MARCHF1: variants seen among roughly 807,000 people sequenced by gnomAD.
MARCHF1 encodes membrane associated ring-CH-type finger 1, also known as E3 ubiquitin-protein ligase MARCHF1.
A neutral mutation model predicts 54.2 loss-of-function variants in MARCHF1; 40 were observed. The ratio of observed to expected loss-of-function variants is 0.74; its 90% CI spans 0.57 to 0.96. MARCHF1 has a LOEUF of 0.96. MARCHF1 is among the 40% of genes least tolerant of loss of function. The pLI, the probability that MARCHF1 is intolerant of heterozygous loss-of-function variation, is 0.00. For missense variants in MARCHF1, 586 were observed against 656.5 expected (o/e 0.89, Z 1.17); for synonymous variants, 236 against 236.3 (o/e 1.00, Z 0.01).
At chr4:164,018,484 A>G (rs1226601309) in intron 2 of MARCHF1, among the ~76,000 whole-genome samples, 1 of 152,004 alleles carries the variant, frequency 6.6e-6, no homozygotes, top group Non-Finnish European at 1.5e-5. Context: ...TTATCACTCA[A>G]TAATAGGAAG....
chr4:164,178,257 C>G (rs571857865), intron 1 of MARCHF1, among the ~76,000 whole-genome samples: 5 of 152,150 alleles, frequency 3.3e-5, no homozygotes, highest in Non-Finnish European at 5.9e-5. Flanking sequence ...GTCTTTGTAC[C>G]AAGTAACTTT....
chr4:163,826,284 C>T (rs1205904644), intron 4 of MARCHF1, among the ~76,000 whole-genome samples: 1 of 151,756 alleles, frequency 6.6e-6, no homozygotes, highest in Non-Finnish European at 1.5e-5. Flanking sequence ...ACTGTAGATC[C>T]AACAGTTATT....
chr4:164,128,803 C>T (rs552351997), intron 1 of MARCHF1, among the ~76,000 whole-genome samples: 5 of 152,242 alleles, frequency 3.3e-5, no homozygotes, highest in African/African-American at 7.2e-5. Context: ...TCCCTGTGGT[C>T]TTCTCATTCT....
chr4:163,873,062 C>CA (rs1750210214), intron 3 of MARCHF1, among the ~76,000 whole-genome samples: 1 of 133,040 alleles, frequency 7.5e-6, no homozygotes, highest in South Asian at 2.3e-4. Flanking sequence ...AACAAACAAA[C>CA]AAACAAAAAA....
At chr4:163,692,200 T>A (rs779002292) in intron 5 of MARCHF1, among the ~76,000 whole-genome samples, 1 of 152,196 alleles carries the variant, frequency 6.6e-6, no homozygotes, top group African/African-American at 2.4e-5. Flanking sequence ...ATTTGTTGAG[T>A]GTGTCCTACT....
intron 1 of MARCHF1, among the ~76,000 whole-genome samples, chr4:164,346,526 T>C (rs1312954515): frequency 1.3e-5 from 2 of 151,046 alleles, no homozygotes; most frequent in Admixed American, 6.6e-5. Context: ...ATCTTTTGCC[T>C]CTTGGTATCT....
chr4:163,977,128 T>C (rs1440039593), intron 3 of MARCHF1, among the ~76,000 whole-genome samples: 8 of 151,428 alleles, frequency 5.3e-5, no homozygotes, highest in South Asian at 2.1e-4. Context: ...GCTAGAACAA[T>C]AGTGATTATT....
chr4:164,018,130 C>T (rs1485430403), intron 2 of MARCHF1, among the ~76,000 whole-genome samples: 1 of 151,850 alleles, frequency 6.6e-6, no homozygotes, highest in African/African-American at 2.4e-5. Flanking sequence ...TTGAACTTTG[C>T]TTCACACGAT....
intron 4 of MARCHF1, among the ~76,000 whole-genome samples, chr4:163,836,735 C>A (rs1204254802): frequency 1.8e-5 from 2 of 110,930 alleles, no homozygotes; most frequent in East Asian, 5.6e-4. Context: ...TAAGTGTGAC[C>A]CCCAATAAAC....
At chr4:163,826,976 T>C (rs1489316430) in intron 4 of MARCHF1, among the ~76,000 whole-genome samples, 2 of 152,080 alleles carry the variant, frequency 1.3e-5, no homozygotes, top group Non-Finnish European at 2.9e-5. Flanking sequence ...GTTAAGTTTA[T>C]GGTTTCCTTA....
chr4:163,622,347 C>T (rs1274315841), intron 5 of MARCHF1, among the ~76,000 whole-genome samples: 2 of 151,918 alleles, frequency 1.3e-5, no homozygotes, highest in Non-Finnish European at 2.9e-5. Context: ...AACAGAAGTC[C>T]CTGCTCCAGT....
intron 3 of MARCHF1, among the ~76,000 whole-genome samples, chr4:163,932,353 C>G (rs1751695855): frequency 6.6e-6 from 1 of 152,186 alleles, no homozygotes; most frequent in Non-Finnish European, 1.5e-5. Context: ...GCATTTTACC[C>G]ACAGTAGAAT....
intron 3 of MARCHF1, among the ~76,000 whole-genome samples, chr4:163,974,876 G>T (rs1027405142): frequency 3.3e-5 from 5 of 152,144 alleles, no homozygotes; most frequent in Admixed American, 3.3e-4. Flanking sequence ...TGGGTAAACT[G>T]AGTAAAGCAA....
At chr4:164,146,394 G>A (rs1207897418) in intron 1 of MARCHF1, among the ~76,000 whole-genome samples, 1 of 151,852 alleles carries the variant, frequency 6.6e-6, no homozygotes, top group Non-Finnish European at 1.5e-5. Context: ...AACAAAGCTG[G>A]AGGCATCACA....
chr4:163,680,728 C>A (rs1320102283), intron 5 of MARCHF1, among the ~76,000 whole-genome samples: 1 of 152,136 alleles, frequency 6.6e-6, no homozygotes, highest in African/African-American at 2.4e-5. Context: ...ATATTTAGAA[C>A]CACCACTTCT....
At chr4:163,548,623 G>A (rs989783474) in intron 8 of MARCHF1, among the ~76,000 whole-genome samples, 7 of 152,168 alleles carry the variant, frequency 4.6e-5, no homozygotes, top group African/African-American at 7.2e-5. Context: ...ATCCTTACAG[G>A]AACCATTTAG....
intron 1 of MARCHF1, among the ~76,000 whole-genome samples, chr4:164,117,401 C>A (rs1187606937): frequency 1.3e-5 from 2 of 151,994 alleles, no homozygotes; most frequent in Non-Finnish European, 2.9e-5. Context: ...TACCTAGGAA[C>A]ATTTTAAAAG....
intron 7 of MARCHF1, among the ~76,000 whole-genome samples, chr4:163,588,666 A>C (rs1235814002): frequency 6.6e-6 from 1 of 152,170 alleles, no homozygotes; most frequent in Non-Finnish European, 1.5e-5. Flanking sequence ...TTTAATCAAT[A>C]AAGTCTTATG....
Position 163,778,806 on chromosome 4 carries a change from G to A in MARCHF1, c.111+75215C>T, listed in dbSNP as rs145917194. Among the ~76,000 whole-genome samples the A allele has an allele frequency of 3.1e-3, 466 of 152,146 alleles. 3 individuals carry two copies. Among genetic ancestry groups the A allele is most frequent in the African/African-American group, 0.01 (427 of 41,512 alleles). On this transcript the variant is annotated intron_variant, in intron 4 of 9. Coordinates refer to ENST00000514618, the MANE Select transcript of MARCHF1 (RefSeq NM_001394959.1). The stretch of plus-strand genomic sequence containing the variant: ...AGTGGGAGCTAAACAATGTGTACAC[G>A]TGGATGATGTAGAGTGTGGAGTAAT...
Sources: gnomAD v4.1 joint callset for allele counts (sites outside exome capture counted in the v4.1 genomes callset) on GRCh38, gnomAD v4.1.1 for gene constraint, MANE v1.5 for transcripts, NCBI Gene and HGNC (gene_info 2026-07-23, HGNC 2026-07-21) for gene names.